CDH6: variants seen among roughly 807,000 people sequenced by gnomAD.
CDH6 encodes the protein cadherin 6, also known as cadherin-6.
A neutral mutation model predicts 78.0 loss-of-function variants in CDH6; 31 were observed. That is an observed-to-expected ratio of 0.40 (90% CI 0.30 to 0.54). The LOEUF (loss-of-function observed/expected upper bound fraction) is 0.54. Ranked by LOEUF, CDH6 falls within the 20% of genes least tolerant of loss-of-function variation. The pLI is 0.56. For synonymous variants in CDH6, 376 were observed against 368.8 expected, an observed-to-expected ratio of 1.02 and a Z score of -0.23; for missense variants, 724 against 975.9, an observed-to-expected ratio of 0.74 and a Z score of 3.44.
intron 7 of CDH6, among the ~76,000 whole-genome samples, chr5:31,312,065 G>C (rs1738173600): frequency 6.6e-6 from 1 of 152,102 alleles, no homozygotes; most frequent in African/African-American, 2.4e-5. Flanking sequence ...TTCCTAGTCT[G>C]TTCCAGGCAC....
chr5:31,217,489 A>G (rs1006628510), intron 1 of CDH6, among the ~76,000 whole-genome samples: 5 of 152,164 alleles, frequency 3.3e-5, no homozygotes, highest in African/African-American at 1.2e-4. Flanking sequence ...ACCTGGACCT[A>G]TATTATTTCA....
intron 4 of CDH6, 126 bp downstream of exon 4, chr5:31,297,534 A>C: frequency 1.5e-6 from 1 of 657,122 alleles, no homozygotes; most frequent in Non-Finnish European, 2.5e-6. Context: ...ACCAAACACT[A>C]ATGATATATT....
chr5:31,258,888 C>A (rs1315421201), intron 1 of CDH6, among the ~76,000 whole-genome samples: 2 of 152,206 alleles, frequency 1.3e-5, no homozygotes, highest in Middle Eastern at 3.2e-3. Flanking sequence ...CTGGCACACA[C>A]CCCCTTAGAG....
chr5:31,303,554 G>A (rs1377255932), intron 6 of CDH6, among the ~76,000 whole-genome samples: 1 of 152,004 alleles, frequency 6.6e-6, no homozygotes, highest in Non-Finnish European at 1.5e-5. Context: ...CCCAAATTGT[G>A]TAGCACCACA....
At chr5:31,270,618 A>C (rs998947677) in intron 2 of CDH6, among the ~76,000 whole-genome samples, 10 of 152,170 alleles carry the variant, frequency 6.6e-5, no homozygotes, top group Non-Finnish European at 1.3e-4. Flanking sequence ...AATTACCTTG[A>C]GCTAGTAATT....
chr5:31,281,406 T>C (rs1175010606), intron 2 of CDH6, among the ~76,000 whole-genome samples: 1 of 151,978 alleles, frequency 6.6e-6, no homozygotes, highest in Non-Finnish European at 1.5e-5. Flanking sequence ...GGTTACACTA[T>C]AAAGCAAAAA....
chr5:31,316,361 A>C, intron 9 of CDH6, 32 bp downstream of exon 9: 2 of 1,582,908 alleles, frequency 1.3e-6, no homozygotes, highest in Middle Eastern at 3.4e-4. Context: ...ATTCAAGTTG[A>C]ACATCAGATT....
chr5:31,232,476 T>A (rs1445190277), intron 1 of CDH6, among the ~76,000 whole-genome samples: 1 of 152,202 alleles, frequency 6.6e-6, no homozygotes, highest in Admixed American at 6.5e-5. Flanking sequence ...TAGAGCTCCC[T>A]CAAGTGGACA....
chr5:31,299,496 C>A lies in CDH6; in HGVS notation c.676C>A (p.Arg226=), dbSNP rs769326582. 1 of 1,613,428 alleles carries A rather than the reference C, an allele frequency of 6.2e-7. No homozygotes were observed. The highest frequency in any genetic ancestry group is 1.3e-5 in the African/African-American group (1 of 74,840). The change falls in exon 5 of 12, where the codon CGA becomes AGA. Residue 226 remains arginine (R), a synonymous_variant. Coordinates refer to ENST00000265071, the MANE Select transcript of CDH6 (RefSeq NM_004932.4). ...IIKTALLNMD[R]ENREQYQVVI... is the part of the protein sequence containing the mutation. ...CAAGACAGCTTTGCTCAACATGGAT[C>A]GAGAAAACAGGGAGCAGTACCAAGT...
chr5:31,266,495 A>T (rs180738545), intron 1 of CDH6, among the ~76,000 whole-genome samples: 258 of 152,322 alleles, frequency 1.7e-3, no homozygotes, highest in Middle Eastern at 3.4e-3. Flanking sequence ...TGTTTATGAT[A>T]CAGGCAAAAA....
intron 6 of CDH6, among the ~76,000 whole-genome samples, chr5:31,303,734 G>A (rs961342114): frequency 1.3e-5 from 2 of 152,118 alleles, no homozygotes; most frequent in East Asian, 1.9e-4. Context: ...TAAAAGCATC[G>A]GTGGATGTAA....
At position 31,302,778 on chromosome 5, in the gene CDH6, AAGAGAGAGAGAG is replaced by A. The variant is rs766671272; in HGVS notation, c.999+492_999+503del. 7.1e-4 allele frequency among the ~76,000 whole-genome samples: 46 copies of A among 64,608 alleles called. 1 individual carries two copies. The highest frequency in any genetic ancestry group is 2.0e-3 in the African/African-American group (43 of 21,010). The allele number at this position is 64,608 out of a possible 152,430, so 42.4% of individuals were successfully genotyped here. On this transcript the variant is annotated intron_variant, in intron 6 of 11. Transcript: ENST00000265071. ...GAAAGAAAGAAAGAAAGAAAGAAGA[AAGAGAGAGAGAG>A]AGAGAGAGAGAAAGAAAGAAAGAAA...
intron 1 of CDH6, among the ~76,000 whole-genome samples, chr5:31,198,001 A>T (rs1740216547): frequency 6.6e-6 from 1 of 152,166 alleles, no homozygotes; most frequent in Non-Finnish European, 1.5e-5. Flanking sequence ...TTGTGATGCT[A>T]TCACCCACAA....
intron 2 of CDH6, among the ~76,000 whole-genome samples, chr5:31,272,563 T>G (rs1742557107): frequency 6.6e-6 from 1 of 152,208 alleles, no homozygotes; most frequent in Admixed American, 6.5e-5. Flanking sequence ...GATTAGATTT[T>G]GAAGACATAG....
chr5:31,194,603 A>G (rs1740111133), intron 1 of CDH6, among the ~76,000 whole-genome samples: 1 of 152,136 alleles, frequency 6.6e-6, no homozygotes, highest in African/African-American at 2.4e-5. Flanking sequence ...AATGGAGCAC[A>G]CTGTCCAGGG....
intron 2 of CDH6, among the ~76,000 whole-genome samples, chr5:31,285,286 A>G (rs1407591479): frequency 2.0e-5 from 3 of 152,174 alleles, no homozygotes; most frequent in Non-Finnish European, 4.4e-5. Flanking sequence ...CCATGTGCTC[A>G]TATCGGTTGC....
intron 2 of CDH6, among the ~76,000 whole-genome samples, chr5:31,271,136 A>C (rs529243166): frequency 6.6e-6 from 1 of 152,188 alleles, no homozygotes; most frequent in South Asian, 2.1e-4. Flanking sequence ...AATAACACTT[A>C]AAATAGAAGA....
chr5:31,317,797 T>C lies in CDH6; in HGVS notation c.1755T>C (p.Thr585=), dbSNP rs200673396. 1 of 1,614,200 alleles carries C rather than the reference T, an allele frequency of 6.2e-7. No individual in the cohort carries two copies. Among genetic ancestry groups the C allele is most frequent in the South Asian group, 1.1e-5 (1 of 91,088 alleles). Residue 585 remains threonine (T), a synonymous_variant, in exon 11 of 12, where the codon ACT becomes ACC. Coordinates refer to ENST00000265071, the MANE Select transcript of CDH6 (RefSeq NM_004932.4). ...TTCAAAGCAGCACTGGGACAGTGACTGTCCGGGTCTGTGCATGTGACCACC... is the reference window on the plus strand; with the variant it reads ...TTCAAAGCAGCACTGGGACAGTGACCGTCCGGGTCTGTGCATGTGACCACC... ...YPVQSSTGTV[T]VRVCACDHHG... is the part of the protein sequence containing the mutation.
intron 2 of CDH6, among the ~76,000 whole-genome samples, chr5:31,272,124 A>G (rs1239978181): frequency 6.6e-6 from 1 of 152,186 alleles, no homozygotes; most frequent in African/African-American, 2.4e-5. Flanking sequence ...TTTGAACCCC[A>G]TCTAAAGACA....
Sources: gnomAD v4.1 joint callset for allele counts (sites outside exome capture counted in the v4.1 genomes callset) on GRCh38, gnomAD v4.1.1 for gene constraint, MANE v1.5 for transcripts, NCBI Gene and HGNC (gene_info 2026-07-23, HGNC 2026-07-21) for gene names.